The following DNAH7 variants were observed in gnomAD, a reference collection of about 807,000 sequenced individuals.
DNAH7 encodes the protein dynein axonemal heavy chain 7.
DNAH7 carries 397 observed loss-of-function variants against 444.6 expected under a neutral mutation model. The observed-to-expected ratio is 0.89, with a 90% CI of 0.82 to 0.97. The LOEUF (loss-of-function observed/expected upper bound fraction) is 0.97. Ranked by LOEUF, DNAH7 falls within the 50% of genes least tolerant of loss-of-function variation. The probability of loss-of-function intolerance (pLI) is 0.00; values close to 1 mark genes in which losing one functional copy is unlikely to be tolerated. For missense variants in DNAH7, 4,902 were observed against 4,800.8 expected (o/e 1.02, Z -0.62); for synonymous variants, 1,636 against 1,624.4 (o/e 1.01, Z -0.17).
intron 1 of DNAH7, among the ~76,000 whole-genome samples, chr2:196,066,726 CTAA>C (rs1559385276): frequency 6.6e-6 from 1 of 152,224 alleles, no homozygotes; most frequent in East Asian, 1.9e-4. Flanking sequence ...CAACCTTCCA[CTAA>C]TGAGATGAAT....
Position 196,051,234 on chromosome 2 carries a change from T to C in DNAH7, c.94A>G (p.Lys32Glu). 1 of 1,613,944 alleles carries C rather than the reference T, an allele frequency of 6.2e-7. No individual in the cohort carries two copies. The highest frequency in any genetic ancestry group is 1.1e-5 in the South Asian group (1 of 91,074). ...PQLSMEKLAS[K>E]EKFKAPARAL... Reference sequence around the variant, plus strand: ...CTTGCTGGTGCCTTGAACTTTTCTTTGCTGGCTAATTTCTCCTGTGTGAAA... The same window carrying C: ...CTTGCTGGTGCCTTGAACTTTTCTTCGCTGGCTAATTTCTCCTGTGTGAAA... Residue 32 changes from lysine (K) to glutamate (E), a missense_variant, in exon 3 of 65, where the codon AAA (lysine) becomes GAA (glutamate). Coordinates refer to ENST00000312428, the MANE Select transcript of DNAH7 (RefSeq NM_018897.3).
rs118023467 is a variant in DNAH7, at chr2:196,038,878, A to G, written c.398+8474T>C. Reference sequence around the variant, plus strand: ...ACTCAATACTGGAGCATTCAGATATATAAAGAAAATATTATTAAAGTTAAG... The same window carrying G: ...ACTCAATACTGGAGCATTCAGATATGTAAAGAAAATATTATTAAAGTTAAG... On this transcript the variant is annotated intron_variant, in intron 5 of 64. Transcript: ENST00000312428. 0.02 allele frequency among the ~76,000 whole-genome samples: 2,977 copies of G among 152,288 alleles called. 249 individuals carry two copies. The East Asian group carries it at 0.27, about 14-fold the overall frequency.
At chr2:195,751,297 A>G (rs924901342) in intron 63 of DNAH7, among the ~76,000 whole-genome samples, 1 of 152,208 alleles carries the variant, frequency 6.6e-6, no homozygotes, top group East Asian at 1.9e-4. Context: ...TGTTTCTGCA[A>G]TAAAACTGTT....
At chr2:195,766,456 C>G (rs1694594162) in intron 61 of DNAH7, among the ~76,000 whole-genome samples, 1 of 151,852 alleles carries the variant, frequency 6.6e-6, no homozygotes, top group Admixed American at 6.6e-5. Flanking sequence ...GCGTGAGCTA[C>G]CATGCACAGG....
At chr2:195,753,188 G>C (rs1693886682) in intron 63 of DNAH7, among the ~76,000 whole-genome samples, 3 of 152,058 alleles carry the variant, frequency 2.0e-5, no homozygotes, top group African/African-American at 7.2e-5. Context: ...CAAATGTATT[G>C]AGTCGGTGGT....
chr2:195,974,094 G>A (rs1213463423), intron 15 of DNAH7, among the ~76,000 whole-genome samples: 1 of 151,806 alleles, frequency 6.6e-6, no homozygotes. Context: ...AAGGGGAAGG[G>A]GAAGGGAAGA....
Position 195,906,995 on chromosome 2 carries a change from A to C in DNAH7, c.4119T>G (p.Cys1373Trp), listed in dbSNP as rs776098470. The C allele has an allele frequency of 2.5e-6, 4 of 1,612,740 alleles. No individual in the cohort carries two copies. In the South Asian group the frequency reaches 4.4e-5, roughly 18 times the overall value. The change falls in exon 26 of 65, where the codon TGT becomes TGG. Residue 1373 changes from cysteine (C) to tryptophan (W), a missense_variant. By Grantham distance (215) the Cys-to-Trp change is radical. Coordinates refer to ENST00000312428, the MANE Select transcript of DNAH7 (RefSeq NM_018897.3). ...ACTCATCAAAGCAAGCCCAGGCTCC[A>C]CAAGATAACAGTCCCTATGAGAAAA... is the stretch of plus-strand genomic sequence containing the variant. Reference protein sequence around the residue: ...LGKFFKGLLSCGAWACFDEFN... With the variant: ...LGKFFKGLLSWGAWACFDEFN...
chr2:195,906,460 T>C (rs1207004668), intron 27 of DNAH7, among the ~76,000 whole-genome samples, 199 bp downstream of exon 27: 3 of 147,394 alleles, frequency 2.0e-5, no homozygotes, highest in Admixed American at 6.7e-5. Context: ...TTTCTTTTTT[T>C]TTTTTTTTTT....
rs199595635 is a variant in DNAH7 at position 196,012,753 on chromosome 2, T to G, written c.989+34A>C. ...GTAGCCCACAATCATATTTTTAAAC[T>G]TATGCTTTCCTACATGAAATTTCAA... On this transcript the variant is annotated intron_variant, in intron 10 of 64. Coordinates refer to ENST00000312428, the MANE Select transcript of DNAH7 (RefSeq NM_018897.3). 1.6e-4 allele frequency: 254 copies of G among 1,594,914 alleles called. 1 individual carries two copies. In the African/African-American group the frequency reaches 3.0e-3, roughly 19 times the overall value.
intron 5 of DNAH7, among the ~76,000 whole-genome samples, chr2:196,028,989 G>C (rs768820224): frequency 3.3e-5 from 5 of 152,180 alleles, no homozygotes; most frequent in Non-Finnish European, 7.3e-5. Context: ...AAGAGTCAAG[G>C]CTTTGGGTAA....
chr2:195,965,293 C>A (rs1472708464), intron 17 of DNAH7, among the ~76,000 whole-genome samples: 5 of 152,122 alleles, frequency 3.3e-5, no homozygotes, highest in Non-Finnish European at 7.4e-5. Context: ...TATGTAGAAC[C>A]ATCCTTACAT....
chr2:196,005,451 C>T (rs185874611), intron 10 of DNAH7, among the ~76,000 whole-genome samples: 1 of 151,644 alleles, frequency 6.6e-6, no homozygotes. Flanking sequence ...ATCAACAAAA[C>T]TCATGAACTT....
chr2:196,032,911 C>A (rs1696146098), intron 5 of DNAH7, among the ~76,000 whole-genome samples: 1 of 152,102 alleles, frequency 6.6e-6, no homozygotes, highest in African/African-American at 2.4e-5. Context: ...AAGGATTACA[C>A]ACAATGACTA....
At position 195,900,353 on chromosome 2, in the gene DNAH7, A is replaced by G. The variant is rs778379514; in HGVS notation, c.4477T>C (p.Ser1493Pro). The G allele has an allele frequency of 1.2e-6, 2 of 1,614,066 alleles. No homozygotes were observed. The highest frequency in any genetic ancestry group is 2.2e-5 in the South Asian group (2 of 91,082). ...ATYRLCSEQL[S>P]SQHHYDYGMR... ...CCATAGTCGTAGTGATGTTGAGATG[A>G]CAGCTGCTCTGAACACAAGCGATAC... The change falls in exon 28 of 65, where the codon TCA (serine) becomes CCA (proline). Residue 1493 changes from serine to proline, a missense_variant. Coordinates refer to ENST00000312428, the MANE Select transcript of DNAH7 (RefSeq NM_018897.3).
At chr2:195,995,193 G>A in intron 12 of DNAH7, 3 of 355,082 alleles carry the variant, frequency 8.4e-6, no homozygotes, top group South Asian at 5.2e-5. Context: ...CTCCCAAAGT[G>A]CTGGGATTAC....
rs558493034 is a variant in DNAH7 at position 195,960,369 on chromosome 2, A to G, written c.2782T>C (p.Phe928Leu). 5.6e-6 allele frequency: 9 copies of G among 1,614,124 alleles called. No individual in the cohort carries two copies. The highest frequency in any genetic ancestry group is 3.3e-5 in the South Asian group (3 of 91,080). ...ATTTCATCAACTGATGCCAAAATAA[A>G]TGTCCCAGTTTCTCTATAAGAATGG... ...VIHSYRETGT[F>L]ILASVDEIQM... Residue 928 changes from phenylalanine to leucine, a missense_variant, in exon 18 of 65, where the codon TTT (phenylalanine) becomes CTT (leucine). Transcript: ENST00000312428.
chr2:195,880,856 T>C (rs1294747506), intron 36 of DNAH7, among the ~76,000 whole-genome samples: 1 of 152,234 alleles, frequency 6.6e-6, no homozygotes, highest in Admixed American at 6.5e-5. Context: ...CTTTATTGCC[T>C]GGGCTGAAAT....
chr2:195,993,391 A>C (rs1693478036), intron 12 of DNAH7, among the ~76,000 whole-genome samples: 1 of 152,210 alleles, frequency 6.6e-6, no homozygotes, highest in Non-Finnish European at 1.5e-5. Context: ...AATGGTGATG[A>C]ATGTCACAGG....
At chr2:195,759,452 G>C (rs1054682260) in intron 61 of DNAH7, among the ~76,000 whole-genome samples, 1 of 152,140 alleles carries the variant, frequency 6.6e-6, no homozygotes, top group African/African-American at 2.4e-5. Flanking sequence ...GGCTTCAGGT[G>C]TGACCCTGCA....
Sources: allele counts gnomAD v4.1 joint callset (sites outside exome capture counted in the v4.1 genomes callset), GRCh38; gene constraint gnomAD v4.1.1; transcripts MANE v1.5; gene names NCBI Gene and HGNC (gene_info 2026-07-23, HGNC 2026-07-21).